NKAIN2: variants seen among roughly 807,000 people sequenced by gnomAD.
NKAIN2 encodes sodium/potassium-transporting ATPase subunit beta-1-interacting protein 2.
Under a neutral mutation model 32.6 loss-of-function variants are expected in NKAIN2, and 14 were observed. The observed-to-expected ratio is 0.43, with a 90% confidence interval of 0.28 to 0.67. The LOEUF is 0.67. NKAIN2 is among the 30% of genes least tolerant of loss of function. The pLI, the probability that NKAIN2 is intolerant of heterozygous loss-of-function variation, is 0.17. For synonymous variants in NKAIN2, 80 were observed against 87.2 expected (o/e 0.92, Z 0.46); for missense variants, 198 against 258.3 (o/e 0.77, Z 1.60).
At position 124,015,347 on chromosome 6, in the gene NKAIN2, T is replaced by C. The variant is rs985453611; in HGVS notation, c.54+211093T>C. 2.0e-5 allele frequency among the ~76,000 whole-genome samples: 3 copies of C among 152,180 alleles called. No homozygotes were observed. In the East Asian group the frequency reaches 5.8e-4, roughly 29 times the overall value. On this transcript the variant is annotated intron_variant, in intron 1 of 6. Transcript: ENST00000368417. ...CCTCCTAAAAATTGTTTCTTTGCTC[T>C]TAAAAAGAGATGCAGTAAACTCCTC...
At chr6:124,113,567 C>T (rs1275774940) in intron 1 of NKAIN2, among the ~76,000 whole-genome samples, 1 of 152,124 alleles carries the variant, frequency 6.6e-6, no homozygotes, top group Non-Finnish European at 1.5e-5. Context: ...GTGCTGGGCC[C>T]ATCAGAGCTT....
chr6:124,707,106 T>G (rs1471986060), intron 4 of NKAIN2, among the ~76,000 whole-genome samples: 1 of 151,584 alleles, frequency 6.6e-6, no homozygotes, highest in Non-Finnish European at 1.5e-5. Flanking sequence ...TTTTTTGTTC[T>G]TGCGATAGTT....
At chr6:124,733,490 CTG>C (rs1776785109) in intron 4 of NKAIN2, among the ~76,000 whole-genome samples, 1 of 151,804 alleles carries the variant, frequency 6.6e-6, no homozygotes, top group African/African-American at 2.4e-5. Context: ...GAAAAAGAAA[CTG>C]TACATAAGCA....
chr6:124,674,494 C>T lies in NKAIN2; in HGVS notation c.474+16108C>T, dbSNP rs1235268048. Among the ~76,000 whole-genome samples, 4 of 151,946 alleles carry T rather than the reference C, an allele frequency of 2.6e-5. No individual in the cohort carries two copies. In the East Asian group the frequency reaches 7.7e-4, roughly 29 times the overall value. ...ATAGTAAGTTCTTTCAATCCATGAA[C>T]ATGAATGTCTTTCCATTTATTTATA... On this transcript the variant is annotated intron_variant, in intron 4 of 6. Transcript: ENST00000368417.
At chr6:124,765,157 A>C (rs1175503655) in intron 4 of NKAIN2, among the ~76,000 whole-genome samples, 1 of 152,226 alleles carries the variant, frequency 6.6e-6, no homozygotes. Flanking sequence ...GATCTCACTG[A>C]AACATGTAAC....
At chr6:124,442,559 C>G (rs993111760) in intron 3 of NKAIN2, among the ~76,000 whole-genome samples, 2 of 152,028 alleles carry the variant, frequency 1.3e-5, no homozygotes, top group East Asian at 3.9e-4. Flanking sequence ...ATTTGGAACC[C>G]CTGGTCTGGC....
At chr6:124,201,906 CTA>C (rs1294822544) in intron 1 of NKAIN2, among the ~76,000 whole-genome samples, 2 of 151,728 alleles carry the variant, frequency 1.3e-5, no homozygotes, top group Non-Finnish European at 2.9e-5. Context: ...TTCTATATAC[CTA>C]TTTTCTTTTT....
intron 3 of NKAIN2, among the ~76,000 whole-genome samples, chr6:124,617,541 C>G (rs964645460): frequency 5.3e-5 from 8 of 152,160 alleles, no homozygotes; most frequent in Admixed American, 1.3e-4. Context: ...AAAGTTTTAC[C>G]TGTTTATGCA....
intron 1 of NKAIN2, among the ~76,000 whole-genome samples, chr6:123,960,923 C>A (rs1357212942): frequency 1.3e-5 from 2 of 151,716 alleles, no homozygotes; most frequent in Non-Finnish European, 2.9e-5. Context: ...CTTCTGGAGT[C>A]AGAGCAGACG....
chr6:124,551,784 G>C (rs911228773), intron 3 of NKAIN2, among the ~76,000 whole-genome samples: 2 of 152,140 alleles, frequency 1.3e-5, no homozygotes, highest in Non-Finnish European at 2.9e-5. Context: ...TATTCTGTAG[G>C]AGACTCCATT....
chr6:124,267,333 T>G (rs938700236), intron 1 of NKAIN2, among the ~76,000 whole-genome samples: 1 of 152,058 alleles, frequency 6.6e-6, no homozygotes, highest in Non-Finnish European at 1.5e-5. Flanking sequence ...TCTTCCAATG[T>G]GTGGGCTGTT....
chr6:123,818,100 G>A (rs1773771634), intron 1 of NKAIN2, among the ~76,000 whole-genome samples: 1 of 152,040 alleles, frequency 6.6e-6, no homozygotes, highest in Non-Finnish European at 1.5e-5. Context: ...GCAATATTCT[G>A]TTAAAATATG....
intron 3 of NKAIN2, among the ~76,000 whole-genome samples, chr6:124,356,518 T>A (rs1323371666): frequency 6.6e-6 from 1 of 152,184 alleles, no homozygotes; most frequent in African/African-American, 2.4e-5. Flanking sequence ...ATGATCAGAA[T>A]GTGGACAAGT....
At chr6:124,575,409 C>T (rs1048578068) in intron 3 of NKAIN2, among the ~76,000 whole-genome samples, 1 of 152,228 alleles carries the variant, frequency 6.6e-6, no homozygotes, top group Non-Finnish European at 1.5e-5. Flanking sequence ...CTCGTTGCAA[C>T]ATTTAGAAAC....
At chr6:124,476,398 TGTGTGTGTGTGTG>T (rs1208353522) in intron 3 of NKAIN2, among the ~76,000 whole-genome samples, 2 of 1,532 alleles carry the variant, frequency 1.3e-3, no homozygotes, top group Non-Finnish European at 2.2e-3. Context: ...TGTATGTGAC[TGTGTGTGTGTGTG>T]TGTGTGTGTG....
chr6:123,938,511 TTA>T (rs1177948559), intron 1 of NKAIN2, among the ~76,000 whole-genome samples: 6 of 137,310 alleles, frequency 4.4e-5, no homozygotes, highest in East Asian at 2.0e-4. Flanking sequence ...ATATAATATA[TTA>T]TATATATTTA....
chr6:124,818,763 G>A lies in NKAIN2; in HGVS notation c.617+295G>A, dbSNP rs1781278632. 2.6e-5 allele frequency among the ~76,000 whole-genome samples: 4 copies of A among 151,940 alleles called. No homozygotes were observed. The South Asian group carries it at 8.3e-4, about 32-fold the overall frequency. ...CACTTCTTTGAGTTGCCAAAAAGTT[G>A]TATTTTTTGAAAATGATATAATGTA... On this transcript the variant is annotated intron_variant, in intron 6 of 6. Transcript: ENST00000368417.
rs1240359758 is a variant in NKAIN2 at position 124,823,794 on chromosome 6, C to G, written c.*565C>G. On this transcript the variant is annotated 3_prime_UTR_variant, in exon 7 of 7. Transcript: ENST00000368417. The stretch of plus-strand genomic sequence containing the variant: ...CTGTACCGTACATACTTGCCTTAAC[C>G]CACCTACATTGTGTGCCCAAGAATC... The G allele has an allele frequency of 6.5e-6, 1 of 153,754 alleles. No individual in the cohort carries two copies. Among genetic ancestry groups the G allele is most frequent in the East Asian group, 1.9e-4 (1 of 5,226 alleles). 9.5% of individuals were successfully genotyped at this position (153,754 alleles called of 1,614,324 possible). A position where few individuals can be genotyped will look rare whatever the true frequency, so the allele number is the denominator to read the frequency against.
intron 1 of NKAIN2, among the ~76,000 whole-genome samples, chr6:123,883,186 C>G (rs963890302): frequency 6.6e-6 from 1 of 151,998 alleles, no homozygotes; most frequent in Admixed American, 6.6e-5. Context: ...GCTCTGTCGC[C>G]CAGGCTGGAG....
Sources: gnomAD v4.1 joint callset for allele counts (sites outside exome capture counted in the v4.1 genomes callset) on GRCh38, gnomAD v4.1.1 for gene constraint, MANE v1.5 for transcripts, NCBI Gene and HGNC (gene_info 2026-07-23, HGNC 2026-07-21) for gene names.